Variants in HACE1 observed in about 807,000 individuals in gnomAD.
HACE1 encodes HECT domain and ankyrin repeat containing E3 ubiquitin protein ligase 1, also known as E3 ubiquitin-protein ligase HACE1.
Under a neutral mutation model 118.4 loss-of-function variants are expected in HACE1, and 73 were observed. The ratio of observed to expected loss-of-function variants is 0.62; its 90% CI spans 0.51 to 0.75. The LOEUF (loss-of-function observed/expected upper bound fraction) is 0.75, where lower values mean the gene tolerates loss of function less well. HACE1 is among the 30% of genes least tolerant of loss of function. The pLI is 0.00. For synonymous variants in HACE1, 368 were observed against 374.8 expected (o/e 0.98, Z 0.21); for missense variants, 749 against 1,102.2 (o/e 0.68, Z 4.54).
chr6:104,783,720 C>CA (rs1782008869), intron 14 of HACE1, among the ~76,000 whole-genome samples: 1 of 152,172 alleles, frequency 6.6e-6, no homozygotes, highest in South Asian at 2.1e-4. Flanking sequence ...TTCTCAAAGC[C>CA]TTTTAACATG....
chr6:104,842,316 G>A (rs1582739147), intron 5 of HACE1: 2 of 152,418 alleles, frequency 1.3e-5, no homozygotes, highest in East Asian at 3.9e-4. Context: ...CTAAAAAAAG[G>A]TTTTATTGGC....
rs140770221 is a variant in HACE1 at position 104,772,426 on chromosome 6, C to T, written c.1865-352G>A. On this transcript the variant is annotated intron_variant, in intron 17 of 23. Transcript: ENST00000262903. ...ATACACACACACACACGCACATATA[C>T]ACAGTTTCCTAGGCAGTATGGCAAT... 6.6e-5 allele frequency among the ~76,000 whole-genome samples: 10 copies of T among 152,246 alleles called. No individual in the cohort carries two copies. The East Asian group carries it at 1.9e-3, about 29-fold the overall frequency.
intron 7 of HACE1, among the ~76,000 whole-genome samples, chr6:104,806,731 T>C (rs989074088): frequency 2.0e-5 from 3 of 152,158 alleles, no homozygotes; most frequent in African/African-American, 7.2e-5. Context: ...TTGATTGAGA[T>C]AATACTCTCT....
At chr6:104,791,415 T>C in intron 11 of HACE1, 89 bp downstream of exon 11, 1 of 1,190,670 alleles carries the variant, frequency 8.4e-7, no homozygotes, top group Non-Finnish European at 1.3e-6. Flanking sequence ...TACAACCTGT[T>C]CATGAGCTTT....
chr6:104,739,248 A>C (rs757963374), intron 22 of HACE1, among the ~76,000 whole-genome samples: 96 of 152,194 alleles, frequency 6.3e-4, no homozygotes, highest in Non-Finnish European at 1.1e-3. Context: ...CTAGGAAGAA[A>C]CTATATCAAC....
chr6:104,794,909 A>C (rs1320683264), intron 10 of HACE1, among the ~76,000 whole-genome samples: 4 of 152,136 alleles, frequency 2.6e-5, no homozygotes, highest in Non-Finnish European at 4.4e-5. Flanking sequence ...CAAAAAAAAA[A>C]AAATAATTGT....
At chr6:104,785,430 C>G in intron 11 of HACE1, 111 bp from the exon 12 acceptor site, 1 of 685,798 alleles carries the variant, frequency 1.5e-6, no homozygotes, top group Non-Finnish European at 2.5e-6. Flanking sequence ...TTACTCTAGT[C>G]ATTTCTATCT....
chr6:104,746,339 C>T (rs1777418862), intron 20 of HACE1, among the ~76,000 whole-genome samples: 1 of 152,194 alleles, frequency 6.6e-6, no homozygotes. Context: ...TAGATGAAGA[C>T]AGTCTAGTCT....
intron 19 of HACE1, among the ~76,000 whole-genome samples, chr6:104,769,088 G>A (rs975703165): frequency 2.6e-5 from 4 of 151,914 alleles, no homozygotes; most frequent in African/African-American, 9.7e-5. Context: ...AGGCTAGAGG[G>A]CAGTAATGTC....
At chr6:104,815,214 G>A (rs766913612) in intron 6 of HACE1, among the ~76,000 whole-genome samples, 1 of 137,724 alleles carries the variant, frequency 7.3e-6, no homozygotes, top group Admixed American at 7.2e-5. Context: ...AGGCTGAGGT[G>A]ATCTCAGATG....
chr6:104,774,066 T>G (rs1780917836), intron 17 of HACE1, among the ~76,000 whole-genome samples: 1 of 149,006 alleles, frequency 6.7e-6, no homozygotes, highest in African/African-American at 2.5e-5. Flanking sequence ...AAAAAATAGG[T>G]TATCATCTTT....
intron 5 of HACE1, among the ~76,000 whole-genome samples, chr6:104,839,141 T>C (rs1375847680): frequency 6.6e-6 from 1 of 152,164 alleles, no homozygotes; most frequent in Admixed American, 6.5e-5. Context: ...AACTATCATA[T>C]GTTGTTGGTG....
intron 11 of HACE1, among the ~76,000 whole-genome samples, chr6:104,787,806 T>C (rs1026894349): frequency 3.9e-5 from 6 of 152,058 alleles, no homozygotes; most frequent in African/African-American, 1.4e-4. Context: ...AATGGATATG[T>C]GTAAAAGTGA....
In HACE1 at chr6:104,746,078, A is replaced by G. The variant is rs142842066; in HGVS notation, c.2344-1468T>C. Among the ~76,000 whole-genome samples the G allele has an allele frequency of 4.4e-3, 671 of 152,298 alleles. 6 individuals carry two copies. The highest frequency in any genetic ancestry group is 0.015 in the African/African-American group (631 of 41,568). The stretch of plus-strand genomic sequence containing the variant: ...ACTGTTAAACAGTACCAGTCTTCCC[A>G]CTGTTTCTGTTTTGTTCTGGAAAAT... On this transcript the variant is annotated intron_variant, in intron 20 of 23. Transcript: ENST00000262903.
chr6:104,811,527 A>C, intron 6 of HACE1, 134 bp from the exon 7 acceptor site: 1 of 596,520 alleles, frequency 1.7e-6, no homozygotes, highest in Non-Finnish European at 3.2e-6. Flanking sequence ...TGGGCACGTG[A>C]CAATTACTAT....
At chr6:104,751,791 T>C (rs1315219438) in intron 19 of HACE1, among the ~76,000 whole-genome samples, 2 of 152,034 alleles carry the variant, frequency 1.3e-5, no homozygotes, top group South Asian at 2.1e-4. Context: ...AGTGAAACTT[T>C]GTGAGTTAAA....
intron 6 of HACE1, among the ~76,000 whole-genome samples, chr6:104,824,533 T>C (rs993919665): frequency 2.0e-5 from 3 of 152,136 alleles, no homozygotes; most frequent in Non-Finnish European, 2.9e-5. Flanking sequence ...TTAAAATAAA[T>C]ACATAAAGGC....
intron 11 of HACE1, among the ~76,000 whole-genome samples, chr6:104,788,983 T>A (rs1782714452): frequency 6.6e-6 from 1 of 152,132 alleles, no homozygotes; most frequent in Non-Finnish European, 1.5e-5. Context: ...TAGAGTACCT[T>A]GTTAATGAAA....
At chr6:104,849,095 A>G (rs1775928736) in intron 4 of HACE1, 47 bp downstream of exon 4, 1 of 1,060,916 alleles carries the variant, frequency 9.4e-7, no homozygotes, top group East Asian at 2.4e-5. Context: ...AGTGCCTTGA[A>G]TAACTGATAA....
Sources: gnomAD v4.1 joint callset for allele counts (sites outside exome capture counted in the v4.1 genomes callset) on GRCh38, gnomAD v4.1.1 for gene constraint, MANE v1.5 for transcripts, NCBI Gene and HGNC (gene_info 2026-07-23, HGNC 2026-07-21) for gene names.